SLC4A5: variants seen among roughly 807,000 people sequenced by gnomAD.
SLC4A5 encodes solute carrier family 4 member 5.
Under a neutral mutation model 120.4 loss-of-function variants are expected in SLC4A5, and 96 were observed. The ratio of observed to expected loss-of-function variants is 0.80; its 90% CI spans 0.68 to 0.94. The LOEUF is 0.94. SLC4A5 is among the 40% of genes least tolerant of loss of function. The pLI is 0.00. For synonymous variants in SLC4A5, 550 were observed against 571.1 expected (o/e 0.96, Z 0.53); for missense variants, 1,259 against 1,459.5 (o/e 0.86, Z 2.24).
chr2:74,249,615 G>T (rs1670728526), intron 17 of SLC4A5, among the ~76,000 whole-genome samples: 1 of 152,160 alleles, frequency 6.6e-6, no homozygotes, highest in South Asian at 2.1e-4. Context: ...TTCCGGTGTA[G>T]ACAGCTGGGT....
intron 8 of SLC4A5, among the ~76,000 whole-genome samples, chr2:74,280,851 A>AT (rs1381551221): frequency 1.3e-5 from 2 of 151,874 alleles, no homozygotes; most frequent in African/African-American, 4.8e-5. Context: ...TGCCTGGTTA[A>AT]TTTTTTTGTA....
rs1300783755 is a variant in SLC4A5 at position 74,287,684 on chromosome 2, A to G, written c.272-1782T>C. Among the ~76,000 whole-genome samples, 5 of 151,862 alleles carry G rather than the reference A, an allele frequency of 3.3e-5. No homozygotes were observed. In the East Asian group the frequency reaches 9.7e-4, roughly 29 times the overall value. On this transcript the variant is annotated intron_variant, in intron 7 of 30. Coordinates refer to ENST00000394019, the Ensembl canonical transcript of SLC4A5. ...TCCTCTCTTCAAGCTTCTTGATTCAACTCCTACCCCACTTCACCAAGAGAA... is the reference window on the plus strand; with the variant it reads ...TCCTCTCTTCAAGCTTCTTGATTCAGCTCCTACCCCACTTCACCAAGAGAA...
At chr2:74,222,707 A>G (rs1486402584) in intron 29 of SLC4A5, among the ~76,000 whole-genome samples, 161 bp downstream of exon 29, 1 of 152,180 alleles carries the variant, frequency 6.6e-6, no homozygotes, top group Non-Finnish European at 1.5e-5. Flanking sequence ...CCGTGGAAAA[A>G]CTATCTTGCA....
rs1372991369 is a variant in SLC4A5, at chr2:74,221,516, A to C, written c.3332-15T>G. 16 of 1,613,690 alleles carry C rather than the reference A, an allele frequency of 9.9e-6. No individual in the cohort carries two copies. The African/African-American group carries it at 1.7e-4, about 17-fold the overall frequency. On this transcript the variant is annotated splice_polypyrimidine_tract_variant and intron_variant, in intron 29 of 30. Coordinates refer to ENST00000394019, the Ensembl canonical transcript of SLC4A5. ...AGATCTTTTTCCTGGCAGGAAAATGAAAAATGTCAGATGTGGAGCAGGTTT... is the reference window on the plus strand; with the variant it reads ...AGATCTTTTTCCTGGCAGGAAAATGCAAAATGTCAGATGTGGAGCAGGTTT...
chr2:74,315,163 G>A, intron 5 of SLC4A5, 138 bp from the exon 6 acceptor site: 1 of 726,964 alleles, frequency 1.4e-6, no homozygotes, highest in Non-Finnish European at 2.3e-6. Flanking sequence ...CATATAACTG[G>A]GTGCAGTGGC....
At chr2:74,307,674 C>T (rs139464180) in intron 6 of SLC4A5, 9 of 990,960 alleles carry the variant, frequency 9.1e-6, no homozygotes, top group Admixed American at 5.2e-5. Flanking sequence ...CAGGTGCTCC[C>T]GGATTTTGCT....
intron 6 of SLC4A5, chr2:74,306,940 C>A: frequency 1.6e-6 from 1 of 611,676 alleles, no homozygotes. Flanking sequence ...TACTCCTGGG[C>A]CTGGCACTGT....
intron 8 of SLC4A5, among the ~76,000 whole-genome samples, chr2:74,281,652 A>G (rs1029248199): frequency 6.6e-6 from 1 of 152,210 alleles, no homozygotes; most frequent in Non-Finnish European, 1.5e-5. Context: ...TGCTAGGCTC[A>G]GCAGAGCTCA....
chr2:74,223,273 G>A (rs1270230518), intron 28 of SLC4A5, among the ~76,000 whole-genome samples: 2 of 152,120 alleles, frequency 1.3e-5, no homozygotes, highest in Non-Finnish European at 2.9e-5. Flanking sequence ...CCAAAGTGCT[G>A]GGATTACAGA....
chr2:74,231,536 C>CT (rs1670084611), intron 24 of SLC4A5, among the ~76,000 whole-genome samples: 1 of 152,180 alleles, frequency 6.6e-6, no homozygotes, highest in South Asian at 2.1e-4. Context: ...AGGGAGGCCG[C>CT]TTAGTGTAGT....
intron 9 of SLC4A5, among the ~76,000 whole-genome samples, chr2:74,264,831 T>C (rs1482668038): frequency 1.3e-5 from 2 of 152,168 alleles, no homozygotes; most frequent in Non-Finnish European, 1.5e-5. Flanking sequence ...AAGAGGTATC[T>C]CTGACTATGC....
chr2:74,285,074 T>C (rs1671939103), intron 8 of SLC4A5, among the ~76,000 whole-genome samples: 1 of 152,058 alleles, frequency 6.6e-6, no homozygotes, highest in Non-Finnish European at 1.5e-5. Context: ...TGAGACCTTA[T>C]CACTACAAAA....
Position 74,232,658 on chromosome 2 carries a change from G to A in SLC4A5, c.2596-11C>T, listed in dbSNP as rs1381009374. Reference sequence around the variant, plus strand: ...GTAGCCGGCAGCCTTCTGCAGGAGCGGGGTTGGGGGAGGGAGAAGTTTCTG... The same window carrying A: ...GTAGCCGGCAGCCTTCTGCAGGAGCAGGGTTGGGGGAGGGAGAAGTTTCTG... On this transcript the variant is annotated splice_polypyrimidine_tract_variant and intron_variant, in intron 23 of 30. Transcript: ENST00000394019. 40 of 1,609,930 alleles carry A rather than the reference G, an allele frequency of 2.5e-5. No individual in the cohort carries two copies. Among genetic ancestry groups the A allele is most frequent in the East Asian group, 1.1e-4 (5 of 44,808 alleles).
chr2:74,254,012 A>T (rs1341528149), intron 14 of SLC4A5, among the ~76,000 whole-genome samples: 1 of 152,196 alleles, frequency 6.6e-6, no homozygotes, highest in Non-Finnish European at 1.5e-5. Flanking sequence ...AATAATAATA[A>T]AAGTGAGACA....
chr2:74,306,919 G>C (rs1023292640), intron 6 of SLC4A5: 27 of 619,218 alleles, frequency 4.4e-5, no homozygotes, highest in Non-Finnish European at 8.0e-5. Context: ...TTGATGTTCA[G>C]CAGGGCCTTG....
chr2:74,252,251 C>T, exon 16 of SLC4A5: 1 of 1,605,842 alleles, frequency 6.2e-7, no homozygotes, highest in Non-Finnish European at 8.5e-7. Flanking sequence ...GCTGCTTGTT[C>T]CGCCGGCCCC....
chr2:74,308,500 T>C (rs1301529107), intron 6 of SLC4A5, among the ~76,000 whole-genome samples: 2 of 152,242 alleles, frequency 1.3e-5, no homozygotes, highest in Admixed American at 1.3e-4. Flanking sequence ...TTTATATGCT[T>C]ATTTGCCATC....
chr2:74,282,710 T>A (rs962681104), intron 8 of SLC4A5, among the ~76,000 whole-genome samples: 1 of 152,224 alleles, frequency 6.6e-6, no homozygotes, highest in Admixed American at 6.5e-5. Flanking sequence ...CTGGGGGCCA[T>A]AAGGCCTTCT....
chr2:74,309,520 A>C (rs1470435480), intron 6 of SLC4A5, among the ~76,000 whole-genome samples: 1 of 152,142 alleles, frequency 6.6e-6, no homozygotes, highest in African/African-American at 2.4e-5. Context: ...TTGCCTTACC[A>C]TATACACTTT....
Sources: allele counts gnomAD v4.1 joint callset (sites outside exome capture counted in the v4.1 genomes callset), GRCh38; gene constraint gnomAD v4.1.1; transcripts MANE v1.5; gene names NCBI Gene and HGNC (gene_info 2026-07-23, HGNC 2026-07-21).